Variants in IER2 observed in about 807,000 individuals in gnomAD.
IER2 encodes immediate early response 2.
For missense variants in IER2, 372 were observed against 325.4 expected (o/e 1.14, Z -1.10); for synonymous variants, 198 against 149.6 (o/e 1.32, Z -2.36).
chr19:13,151,816 G>A (rs1171017388), intron 1 of IER2, among the ~76,000 whole-genome samples: 2 of 116,542 alleles, frequency 1.7e-5, no homozygotes, highest in Admixed American at 8.0e-5. Flanking sequence ...CCCCCCGGAA[G>A]CCCCGCCGCC....
chr19:13,151,268 C>CGT (rs2020053493), intron 1 of IER2, among the ~76,000 whole-genome samples: 1 of 151,804 alleles, frequency 6.6e-6, no homozygotes, highest in Admixed American at 6.6e-5. Context: ...GTGGGGTCTC[C>CGT]GTGGTAAGGT....
chr19:13,152,848 A>T (rs926548297), intron 1 of IER2, 96 bp from the exon 2 acceptor site: 2 of 177,428 alleles, frequency 1.1e-5, no homozygotes, highest in African/African-American at 4.7e-5. Context: ...AAAGGAGCCC[A>T]CCCAGAAAGC....
At chr19:13,152,286 C>T (rs1458168455) in intron 1 of IER2, 1 of 152,186 alleles carries the variant, frequency 6.6e-6, no homozygotes, top group Non-Finnish European at 1.5e-5. Flanking sequence ...CTGAACCCAC[C>T]CGTGGAGCTC....
At position 13,154,027 on chromosome 19, in the gene IER2, C is replaced by A; in HGVS notation, c.*169C>A. ...AGAGGCCCGGAGAGGGACTCTGTCC[C>A]CGGGGAGCCATCGCCTTCAGTGTGC... On this transcript the variant is annotated 3_prime_UTR_variant, in exon 2 of 2. Coordinates refer to ENST00000292433, the MANE Select transcript of IER2 (RefSeq NM_004907.3). 1.7e-6 allele frequency: 1 copy of A among 598,586 alleles called. No homozygotes were observed. The allele number at this position is 598,586 out of a possible 1,614,324, so 37.1% of individuals were successfully genotyped here. A position where few individuals can be genotyped will look rare whatever the true frequency, so the allele number is the denominator to read the frequency against.
In IER2 at chr19:13,153,530, C is replaced by G; in HGVS notation, c.344C>G (p.Pro115Arg). Reference sequence around the variant, plus strand: ...ACCTCCGCCTGCTGTGCCCCGCGCCCCGCCAAAGTCAGCCGCAAACGACGC... The same window carrying G: ...ACCTCCGCCTGCTGTGCCCCGCGCCGCGCCAAAGTCAGCCGCAAACGACGC... ...EETSACCAPRPAKVSRKRRSS... is the reference protein window; with the variant it reads ...EETSACCAPRRAKVSRKRRSS... Residue 115 changes from proline to arginine, a missense_variant, in exon 2 of 2, where the codon CCC (proline) becomes CGC (arginine). Physicochemically the swap from Pro to Arg is moderately radical, Grantham distance 103 (BLOSUM62 -2). Transcript: ENST00000292433. 1 of 1,585,406 alleles carries G rather than the reference C, an allele frequency of 6.3e-7. No homozygotes were observed. The highest frequency in any genetic ancestry group is 8.6e-7 in the Non-Finnish European group (1 of 1,166,600).
In IER2 at chr19:13,154,141, G is replaced by A; in HGVS notation, c.*283G>A. On this transcript the variant is annotated 3_prime_UTR_variant, in exon 2 of 2. Transcript: ENST00000292433. ...AGGTGCTGTCTTAGTGGACTGGGAC[G>A]TGAACCTTTCGCTCTCCTTCTGGAC... The A allele has an allele frequency of 6.9e-6, 3 of 436,740 alleles. No homozygotes were observed. Among genetic ancestry groups the A allele is most frequent in the East Asian group, 7.7e-5 (2 of 25,922 alleles). The allele number at this position is 436,740 out of a possible 1,614,324, so 27.1% of individuals were successfully genotyped here.
At chr19:13,151,575 C>G (rs1352513693) in intron 1 of IER2, among the ~76,000 whole-genome samples, 1 of 152,112 alleles carries the variant, frequency 6.6e-6, no homozygotes, top group East Asian at 1.9e-4. Context: ...TCTGCAGCGT[C>G]TCTGGGAGAT....
chr19:13,153,736 G>C lies in IER2; in HGVS notation c.550G>C (p.Gly184Arg), dbSNP rs1474232558. 2.5e-6 allele frequency: 4 copies of C among 1,604,624 alleles called. No homozygotes were observed. The highest frequency in any genetic ancestry group is 3.4e-6 in the Non-Finnish European group (4 of 1,178,418). Residue 184 changes from glycine to arginine, a missense_variant, in exon 2 of 2, where the codon GGC (glycine) becomes CGC (arginine). Gly to Arg is a moderately radical substitution (Grantham distance 125, BLOSUM62 -2). Transcript: ENST00000292433. ...LARVLQRRFSGLLNCSPAAPP... is the reference protein window; with the variant it reads ...LARVLQRRFSRLLNCSPAAPP... ...CCGCGTCCTGCAGAGGCGCTTCTCC[G>C]GCCTCCTGAACTGCAGCCCCGCGGC...
chr19:13,150,459 GC>G lies in IER2; in HGVS notation c.-335del. On this transcript the variant is annotated 5_prime_UTR_variant, in exon 1 of 2. Coordinates refer to ENST00000292433, the MANE Select transcript of IER2 (RefSeq NM_004907.3). This position sits in a 1 kb window ranked among gnomAD's most constrained non-coding sequence, Gnocchi z 4.0. ...GGGGCGGTGTCGGAGTTCTGTCTGG[GC>G]CTATTCGGGTCCGAGTTCGGAATTT... 1 of 392,620 alleles carries G rather than the reference GC, an allele frequency of 2.5e-6. No individual in the cohort carries two copies. Among genetic ancestry groups the G allele is most frequent in the Middle Eastern group, 6.9e-4 (1 of 1,456 alleles). 24.3% of individuals were successfully genotyped at this position (392,620 alleles called of 1,614,324 possible).
In IER2 at chr19:13,154,021, CTG is replaced by C. The variant is rs1329974494; in HGVS notation, c.*165_*166del. The C allele has an allele frequency of 6.5e-6, 4 of 612,134 alleles. No homozygotes were observed. The African/African-American group carries it at 7.9e-5, about 12-fold the overall frequency. 37.9% of individuals were successfully genotyped at this position (612,134 alleles called of 1,614,324 possible). A position where few individuals can be genotyped will look rare whatever the true frequency, so the allele number is the denominator to read the frequency against. ...CTGCTGAGAGGCCCGGAGAGGGACTCTGTCCCCGGGGAGCCATCGCCTTCAGT... is the reference window on the plus strand; with the variant it reads ...CTGCTGAGAGGCCCGGAGAGGGACTCTCCCCGGGGAGCCATCGCCTTCAGT... On this transcript the variant is annotated 3_prime_UTR_variant, in exon 2 of 2. Transcript: ENST00000292433.
At position 13,153,615 on chromosome 19, in the gene IER2, G is replaced by A; in HGVS notation, c.429G>A (p.Leu143=). The A allele has an allele frequency of 6.2e-7, 1 of 1,612,090 alleles. No homozygotes were observed. ...AGLVPSKKAR[L]EEKEEEEGAS... ...TGGTCCCGAGCAAGAAAGCCCGTCT[G>A]GAAGAAAAGGAAGAAGAGGAGGGAG... The change falls in exon 2 of 2, where the codon CTG becomes CTA. Residue 143 remains leucine (L), a synonymous_variant. Transcript: ENST00000292433.
At chr19:13,152,155 G>T (rs545944003) in intron 1 of IER2, 1 of 152,318 alleles carries the variant, frequency 6.6e-6, no homozygotes, top group South Asian at 2.1e-4. Flanking sequence ...TGGGTTTCCA[G>T]CTCCCAACCT....
chr19:13,153,535 A>G lies in IER2; in HGVS notation c.349A>G (p.Lys117Glu). 1 of 1,587,522 alleles carries G rather than the reference A, an allele frequency of 6.3e-7. No homozygotes were observed. Among genetic ancestry groups the G allele is most frequent in the Non-Finnish European group, 8.6e-7 (1 of 1,167,602 alleles). ...CGCCTGCTGTGCCCCGCGCCCCGCC[A>G]AAGTCAGCCGCAAACGACGCAGCAG... Reference protein sequence around the residue: ...TSACCAPRPAKVSRKRRSSSL... With the variant: ...TSACCAPRPAEVSRKRRSSSL... Residue 117 changes from lysine to glutamate, a missense_variant, in exon 2 of 2, where the codon AAA (lysine) becomes GAA (glutamate). Physicochemically the swap from Lys to Glu is moderately conservative, Grantham distance 56. Transcript: ENST00000292433.
Position 13,152,984 on chromosome 19 carries a change from C to A in IER2, c.-203C>A, listed in dbSNP as rs2020082940. 9.6e-6 allele frequency: 4 copies of A among 418,786 alleles called. No homozygotes were observed. In the East Asian group the frequency reaches 1.5e-4, roughly 15 times the overall value. The allele number at this position is 418,786 out of a possible 1,614,324, so 25.9% of individuals were successfully genotyped here. On this transcript the variant is annotated 5_prime_UTR_variant, in exon 2 of 2. Transcript: ENST00000292433. ...ACGAGTTGGAAAGCCCGGATGCGTC[C>A]TTCGGTTGGGCGGGGTGTCTCAGTG...
intron 1 of IER2, 87 bp from the exon 2 acceptor site, chr19:13,152,857 G>A (rs2020081257): frequency 5.4e-6 from 1 of 184,788 alleles, no homozygotes; most frequent in Non-Finnish European, 1.1e-5. Context: ...CACCCAGAAA[G>A]CTCAGCGTGG....
At chr19:13,151,806 C>CCG (rs1555724836) in intron 1 of IER2, among the ~76,000 whole-genome samples, 2 of 127,978 alleles carry the variant, frequency 1.6e-5, no homozygotes, top group Admixed American at 1.7e-4. Context: ...TCCGCGCCCC[C>CCG]CCCCCGGAAG....
At position 13,154,111 on chromosome 19, in the gene IER2, C is replaced by A. The variant is rs2020101185; in HGVS notation, c.*253C>A. The A allele has an allele frequency of 8.4e-6, 4 of 475,608 alleles. No individual in the cohort carries two copies. In the South Asian group the frequency reaches 1.7e-4, roughly 20 times the overall value. The allele number at this position is 475,608 out of a possible 1,614,324, so 29.5% of individuals were successfully genotyped here. On this transcript the variant is annotated 3_prime_UTR_variant, in exon 2 of 2. Coordinates refer to ENST00000292433, the MANE Select transcript of IER2 (RefSeq NM_004907.3). ...CGGGCGCCTTCCGCAGAGACCTGCG[C>A]CCACAGGTGCTGTCTTAGTGGACTG...
Position 13,153,475 on chromosome 19 carries a change from G to C in IER2, c.289G>C (p.Asp97His). The C allele has an allele frequency of 6.3e-7, 1 of 1,592,434 alleles. No individual in the cohort carries two copies. The highest frequency in any genetic ancestry group is 1.3e-5 in the African/African-American group (1 of 74,482). ...TGAGCACCCGTTTCCGGAGCCAATG[G>C]ACACGCAGGAGGCGCCGACAGCCGA... The part of the protein sequence containing the change: ...DGEHPFPEPM[D>H]TQEAPTAEET... The change falls in exon 2 of 2, where the codon GAC becomes CAC. Residue 97 changes from aspartate to histidine, a missense_variant. By Grantham distance (81) the Asp-to-His change is moderately conservative. Transcript: ENST00000292433.
rs1437074127 is a variant in IER2, at chr19:13,154,909, G to C, written c.*1051G>C. 1 of 166,466 alleles carries C rather than the reference G, an allele frequency of 6.0e-6. No individual in the cohort carries two copies. Among genetic ancestry groups the C allele is most frequent in the Non-Finnish European group, 1.5e-5 (1 of 68,076 alleles). 10.3% of individuals were successfully genotyped at this position (166,466 alleles called of 1,614,324 possible). On this transcript the variant is annotated 3_prime_UTR_variant, in exon 2 of 2. Coordinates refer to ENST00000292433, the MANE Select transcript of IER2 (RefSeq NM_004907.3). Reference sequence around the variant, plus strand: ...AAATAAAAACCATTTGAGTAAAAAAGCCGGTGCTGTCTGGTTTTCTGCTGT... The same window carrying C: ...AAATAAAAACCATTTGAGTAAAAAACCCGGTGCTGTCTGGTTTTCTGCTGT...
Sources: gnomAD v4.1 joint callset for allele counts (sites outside exome capture counted in the v4.1 genomes callset) on GRCh38, gnomAD v4.1.1 for gene constraint, Gnocchi (gnomAD v3.1) non-coding constraint, MANE v1.5 for transcripts, NCBI Gene and HGNC (gene_info 2026-07-23, HGNC 2026-07-21) for gene names.